UBE2E2: variants seen among roughly 807,000 people sequenced by gnomAD.
UBE2E2 encodes the protein ubiquitin conjugating enzyme E2 E2, also known as ubiquitin-conjugating enzyme E2 E2.
Under a neutral mutation model 24.7 loss-of-function variants are expected in UBE2E2, and 6 were observed. The observed-to-expected ratio is 0.24, with a 90% CI of 0.13 to 0.48. The LOEUF (loss-of-function observed/expected upper bound fraction) is 0.48. Ranked by LOEUF, UBE2E2 falls within the 20% of genes least tolerant of loss-of-function variation. UBE2E2 has a pLI of 0.99. For synonymous variants in UBE2E2, 104 were observed against 83.6 expected (o/e 1.24, Z -1.33); for missense variants, 169 against 245.0 (o/e 0.69, Z 2.07).
rs545074186 is a variant in UBE2E2, at chr3:23,255,269, T to C, written c.227+37957T>C. Among the ~76,000 whole-genome samples, 25 of 151,364 alleles carry C rather than the reference T, an allele frequency of 1.7e-4. No homozygotes were observed. In the East Asian group the frequency reaches 4.7e-3, roughly 28 times the overall value. ...CCGCTAATTTTTGTAGTTTTTTTTTTTTTTGGTAACGATAGGGTTTTGCCA... is the reference window on the plus strand; with the variant it reads ...CCGCTAATTTTTGTAGTTTTTTTTTCTTTTGGTAACGATAGGGTTTTGCCA... On this transcript the variant is annotated intron_variant, in intron 3 of 5. Transcript: ENST00000396703.
chr3:23,396,150 TATA>T (rs1252972885), intron 3 of UBE2E2, among the ~76,000 whole-genome samples: 2 of 151,548 alleles, frequency 1.3e-5, no homozygotes, highest in African/African-American at 4.8e-5. Context: ...TGGCTATAAT[TATA>T]ATAATTTCTT....
intron 3 of UBE2E2, among the ~76,000 whole-genome samples, chr3:23,416,131 A>G (rs1478629744): frequency 2.6e-5 from 4 of 152,038 alleles, no homozygotes; most frequent in African/African-American, 4.8e-5. Flanking sequence ...CATTTTCTTT[A>G]TCCAGTCTAA....
chr3:23,589,704 T>A lies in UBE2E2; in HGVS notation c.509-30T>A, dbSNP rs1473275987. Reference sequence around the variant, plus strand: ...CTTCTTCCCCCACAGTGCTGGTATTTACTGACTCCCAACTCTGCTTTCCTT... The same window carrying A: ...CTTCTTCCCCCACAGTGCTGGTATTAACTGACTCCCAACTCTGCTTTCCTT... On this transcript the variant is annotated intron_variant, in intron 5 of 5. Coordinates refer to ENST00000396703, the MANE Select transcript of UBE2E2 (RefSeq NM_152653.4). This position sits in a 1 kb window ranked among gnomAD's most constrained non-coding sequence, Gnocchi z 4.1. The A allele has an allele frequency of 1.2e-6, 2 of 1,611,306 alleles. No homozygotes were observed. Among genetic ancestry groups the A allele is most frequent in the East Asian group, 2.2e-5 (1 of 44,846 alleles).
chr3:23,401,408 G>T (rs577605773), intron 3 of UBE2E2, among the ~76,000 whole-genome samples: 1 of 152,136 alleles, frequency 6.6e-6, no homozygotes, highest in African/African-American at 2.4e-5. Flanking sequence ...CATTTGCTTA[G>T]GTTAGTGTTG....
intron 3 of UBE2E2, among the ~76,000 whole-genome samples, chr3:23,469,195 AAG>A (rs1408955412): frequency 3.3e-5 from 5 of 152,184 alleles, no homozygotes; most frequent in Admixed American, 2.6e-4. Flanking sequence ...TCATGGCAAA[AAG>A]AGAATAAGAA....
chr3:23,366,805 A>G (rs1160644043), intron 3 of UBE2E2, among the ~76,000 whole-genome samples: 4 of 152,188 alleles, frequency 2.6e-5, no homozygotes, highest in Non-Finnish European at 4.4e-5. Context: ...GGGATCAGAC[A>G]TTTAGAGTAA....
At chr3:23,350,900 T>C (rs908594524) in intron 3 of UBE2E2, among the ~76,000 whole-genome samples, 3 of 151,998 alleles carry the variant, frequency 2.0e-5, no homozygotes, top group East Asian at 3.9e-4. Context: ...TCAAAGATAC[T>C]CCTCGAGAAG....
intron 3 of UBE2E2, among the ~76,000 whole-genome samples, chr3:23,321,291 A>G (rs1435234424): frequency 3.3e-5 from 5 of 152,192 alleles, no homozygotes; most frequent in Non-Finnish European, 1.5e-5. Context: ...AATTCAGTCC[A>G]TAAAGAGCTT....
chr3:23,323,645 G>C, intron 3 of UBE2E2: 2 of 381,804 alleles, frequency 5.2e-6, no homozygotes, highest in South Asian at 3.8e-5. Flanking sequence ...AACACTTCTG[G>C]GGTTAAGCAT....
chr3:23,374,669 T>A (rs1257984518), intron 3 of UBE2E2, among the ~76,000 whole-genome samples: 2 of 152,226 alleles, frequency 1.3e-5, no homozygotes, highest in African/African-American at 4.8e-5. Flanking sequence ...ATCTTCCTAC[T>A]GAAAACACCA....
rs550505616 is a variant in UBE2E2 at position 23,341,896 on chromosome 3, C to A, written c.227+124584C>A. On this transcript the variant is annotated intron_variant, in intron 3 of 5. Coordinates refer to ENST00000396703, the MANE Select transcript of UBE2E2 (RefSeq NM_152653.4). ...AAGATGTAAACAATTATGACAAAAC[C>A]AAGACCCAAACCACAAAAGACTTCA... Among the ~76,000 whole-genome samples the A allele has an allele frequency of 4.6e-5, 7 of 152,160 alleles. No individual in the cohort carries two copies. The South Asian group carries it at 1.5e-3, about 32-fold the overall frequency.
chr3:23,243,300 A>G (rs964277002), intron 3 of UBE2E2, among the ~76,000 whole-genome samples: 3 of 152,200 alleles, frequency 2.0e-5, no homozygotes, highest in Non-Finnish European at 4.4e-5. Context: ...TTTGTTAGGC[A>G]CTTATGAGGT....
intron 3 of UBE2E2, among the ~76,000 whole-genome samples, chr3:23,296,139 T>C (rs1054599089): frequency 2.0e-5 from 3 of 152,098 alleles, no homozygotes; most frequent in Admixed American, 6.6e-5. Context: ...TAGGCTGATA[T>C]TTGAATTGGA....
intron 3 of UBE2E2, among the ~76,000 whole-genome samples, chr3:23,333,707 A>AG (rs1482648897): frequency 2.6e-5 from 4 of 152,184 alleles, no homozygotes; most frequent in African/African-American, 9.7e-5. Context: ...TAGTAGGAGC[A>AG]GTAGTATCTC....
chr3:23,512,684 C>T (rs1226250418), intron 4 of UBE2E2, among the ~76,000 whole-genome samples: 1 of 152,130 alleles, frequency 6.6e-6, no homozygotes, highest in Non-Finnish European at 1.5e-5. Flanking sequence ...GTGGCTCATG[C>T]CTGTAATCCC....
chr3:23,532,811 C>A, intron 5 of UBE2E2, 110 bp downstream of exon 5: 2 of 1,018,706 alleles, frequency 2.0e-6, no homozygotes, highest in Non-Finnish European at 2.7e-6. Context: ...GCTTCTACTA[C>A]TATTATTGTT....
chr3:23,571,182 T>A (rs1696212606), intron 5 of UBE2E2, among the ~76,000 whole-genome samples: 1 of 151,778 alleles, frequency 6.6e-6, no homozygotes, highest in Non-Finnish European at 1.5e-5. Flanking sequence ...GTTTGTATAA[T>A]GTTTTAATAA....
intron 3 of UBE2E2, among the ~76,000 whole-genome samples, chr3:23,295,360 T>C (rs2125253450): frequency 6.6e-6 from 1 of 152,304 alleles, no homozygotes; most frequent in African/African-American, 2.4e-5. Flanking sequence ...TTTCTAAAAT[T>C]AAGGCCTTAA....
At chr3:23,558,920 T>C (rs1434072072) in intron 5 of UBE2E2, among the ~76,000 whole-genome samples, 3 of 152,214 alleles carry the variant, frequency 2.0e-5, no homozygotes, top group African/African-American at 7.2e-5. Context: ...TTATATTAAC[T>C]GATCTGAGTG....
Sources: allele counts gnomAD v4.1 joint callset (sites outside exome capture counted in the v4.1 genomes callset), GRCh38; gene constraint gnomAD v4.1.1; non-coding constraint Gnocchi (gnomAD v3.1); transcripts MANE v1.5; gene names NCBI Gene and HGNC (gene_info 2026-07-23, HGNC 2026-07-21).